Variants in FMN2 observed in about 807,000 individuals in gnomAD.
FMN2 encodes the protein formin-2.
FMN2 carries 51 observed loss-of-function variants against 142.3 expected under a neutral mutation model. The observed-to-expected ratio is 0.36, with a 90% CI of 0.29 to 0.45. FMN2 has a LOEUF of 0.45. Ranked by LOEUF, FMN2 falls within the 20% of genes least tolerant of loss-of-function variation. The pLI, the probability that FMN2 is intolerant of heterozygous loss-of-function variation, is 1.00. For missense variants in FMN2, 1,936 were observed against 2,122.8 expected, an observed-to-expected ratio of 0.91 and a Z score of 1.73; for synonymous variants, 882 against 869.8, an observed-to-expected ratio of 1.01 and a Z score of -0.25.
chr1:240,145,177 C>T (rs1022783291), intron 2 of FMN2: 1 of 1,453,030 alleles, frequency 6.9e-7, no homozygotes, highest in Non-Finnish European at 9.6e-7. Flanking sequence ...GGGATGTGTC[C>T]TTCTCCCCGA....
intron 16 of FMN2, among the ~76,000 whole-genome samples, chr1:240,464,306 G>C (rs927583542): frequency 1.3e-5 from 2 of 152,126 alleles, no homozygotes; most frequent in Non-Finnish European, 2.9e-5. Flanking sequence ...GCTCACCCAT[G>C]AGTCACAGTG....
intron 6 of FMN2, among the ~76,000 whole-genome samples, chr1:240,249,044 C>T (rs879013838): frequency 1.2e-4 from 18 of 152,146 alleles, no homozygotes; most frequent in African/African-American, 4.3e-4. Flanking sequence ...TCCCATTAAA[C>T]AGGCAATGTC....
chr1:240,213,792 TCTC>T (rs767619358), intron 6 of FMN2, among the ~76,000 whole-genome samples: 2 of 152,216 alleles, frequency 1.3e-5, no homozygotes, highest in Non-Finnish European at 2.9e-5. Flanking sequence ...TGATCTCTGT[TCTC>T]CTTGAAAGTA....
At chr1:240,157,525 T>C (rs901429208) in intron 2 of FMN2, among the ~76,000 whole-genome samples, 3 of 151,986 alleles carry the variant, frequency 2.0e-5, no homozygotes, top group African/African-American at 7.3e-5. Flanking sequence ...GTGAAACCAG[T>C]CAATGATTAT....
intron 2 of FMN2, among the ~76,000 whole-genome samples, chr1:240,146,655 G>C (rs1285512719): frequency 1.3e-5 from 2 of 152,048 alleles, no homozygotes; most frequent in Non-Finnish European, 2.9e-5. Context: ...AGTGAGCTGA[G>C]ACTTTGTCTC....
At chr1:240,376,228 C>A (rs1486182044) in intron 14 of FMN2, among the ~76,000 whole-genome samples, 3 of 151,918 alleles carry the variant, frequency 2.0e-5, no homozygotes, top group Non-Finnish European at 4.4e-5. Context: ...AAGTGAATTT[C>A]TTTTCCTAGA....
intron 16 of FMN2, among the ~76,000 whole-genome samples, chr1:240,471,255 G>A (rs1676798469): frequency 6.6e-6 from 1 of 152,094 alleles, no homozygotes; most frequent in African/African-American, 2.4e-5. Flanking sequence ...ATGAAGCTCA[G>A]TTTTTAGAAA....
intron 2 of FMN2, chr1:240,144,694 C>G: frequency 7.7e-7 from 1 of 1,296,586 alleles, no homozygotes; most frequent in African/African-American, 1.4e-5. Flanking sequence ...AAAGGCAGAC[C>G]TTTGTGTATG....
At chr1:240,354,813 C>T (rs1658929637) in intron 13 of FMN2, among the ~76,000 whole-genome samples, 2 of 151,964 alleles carry the variant, frequency 1.3e-5, no homozygotes, top group South Asian at 4.1e-4. Context: ...GCAACCTTAC[C>T]TTAAGAACTG....
chr1:240,284,343 G>T (rs75122386), intron 7 of FMN2, among the ~76,000 whole-genome samples: 190 of 152,178 alleles, frequency 1.2e-3, no homozygotes, highest in African/African-American at 3.4e-3. Context: ...TTTAAGCTGG[G>T]GGGGAGGATT....
intron 16 of FMN2, among the ~76,000 whole-genome samples, chr1:240,450,668 C>G (rs10802875): frequency 6.6e-6 from 1 of 151,612 alleles, no homozygotes; most frequent in African/African-American, 2.4e-5. Flanking sequence ...GATGAAAGAA[C>G]GTGCTCCTGG....
At chr1:240,206,119 G>T (rs1666343610) in intron 4 of FMN2, among the ~76,000 whole-genome samples, 1 of 151,292 alleles carries the variant, frequency 6.6e-6, no homozygotes. Flanking sequence ...GCTCAGGCTG[G>T]TCTTGAACTC....
intron 2 of FMN2, among the ~76,000 whole-genome samples, chr1:240,130,490 A>G (rs969201860): frequency 2.0e-5 from 3 of 151,968 alleles, no homozygotes; most frequent in African/African-American, 4.8e-5. Flanking sequence ...TTTTAGTAGA[A>G]ACAGGGTTTC....
chr1:240,121,906 C>T (rs1021639677), intron 1 of FMN2, among the ~76,000 whole-genome samples: 4 of 151,384 alleles, frequency 2.6e-5, no homozygotes, highest in African/African-American at 9.7e-5. Context: ...CTTTGCCTGC[C>T]TCTTCGTCTC....
intron 3 of FMN2, among the ~76,000 whole-genome samples, chr1:240,186,894 A>G (rs980690572): frequency 1.3e-4 from 20 of 151,376 alleles, no homozygotes; most frequent in Admixed American, 1.1e-3. Flanking sequence ...TAAATACTAA[A>G]TGCCTTTTAT....
chr1:240,459,065 T>C (rs1452595330), intron 16 of FMN2: 1 of 152,200 alleles, frequency 6.6e-6, no homozygotes. Flanking sequence ...CCAATGTGAT[T>C]AGAAGCTTTA....
At chr1:240,438,275 G>C (rs2103180462) in intron 16 of FMN2, 65 bp downstream of exon 16, 1 of 1,519,998 alleles carries the variant, frequency 6.6e-7, no homozygotes, top group African/African-American at 1.4e-5. Context: ...GGCACCACTG[G>C]GTTGCCAATT....
intron 16 of FMN2, among the ~76,000 whole-genome samples, chr1:240,439,025 C>T (rs912529648): frequency 2.6e-5 from 4 of 152,056 alleles, no homozygotes; most frequent in African/African-American, 9.7e-5. Context: ...GTAATCCCAG[C>T]ACTTTGAGAG....
intron 2 of FMN2, among the ~76,000 whole-genome samples, chr1:240,151,801 C>G (rs1219948016): frequency 6.6e-6 from 1 of 152,046 alleles, no homozygotes; most frequent in Non-Finnish European, 1.5e-5. Flanking sequence ...GGGTCTTGCT[C>G]TGTTGTCCAG....
Sources: gnomAD v4.1 joint callset for allele counts (sites outside exome capture counted in the v4.1 genomes callset) on GRCh38, gnomAD v4.1.1 for gene constraint, MANE v1.5 for transcripts, NCBI Gene and HGNC (gene_info 2026-07-23, HGNC 2026-07-21) for gene names.